The following DCDC1 variants were observed in gnomAD, a reference collection of about 807,000 sequenced individuals.
The protein encoded by DCDC1 is doublecortin domain-containing protein 1.
DCDC1 carries 200 observed loss-of-function variants against 178.3 expected under a neutral mutation model. The observed-to-expected ratio is 1.12, with a 90% confidence interval of 1.00 to 1.26. The LOEUF (loss-of-function observed/expected upper bound fraction) is 1.26. Among genes scored for constraint, DCDC1 ranks in the 50% most tolerant of loss-of-function variants. The probability of loss-of-function intolerance (pLI) is 0.00; values close to 1 mark genes in which losing one functional copy is unlikely to be tolerated. For missense variants in DCDC1, 1,983 were observed against 1,749.2 expected, an observed-to-expected ratio of 1.13 and a Z score of -2.38; for synonymous variants, 690 against 604.8, an observed-to-expected ratio of 1.14 and a Z score of -2.07.
chr11:31,025,959 G>A (rs889019040), intron 20 of DCDC1, among the ~76,000 whole-genome samples: 1 of 151,832 alleles, frequency 6.6e-6, no homozygotes, highest in Admixed American at 6.6e-5. Context: ...GAAGCCTTTA[G>A]AATTGAAGCT....
chr11:31,250,494 AC>A lies in DCDC1; in HGVS notation c.1055-8879del, dbSNP rs1320174579. On this transcript the variant is annotated intron_variant, in intron 8 of 38. Transcript: ENST00000684477. ...GCTACAGTTTATATCATTTTGAGTC[AC>A]CCCCAACCCCCCTAAAACACCCTAA... Among the ~76,000 whole-genome samples, 3 of 144,300 alleles carry A rather than the reference AC, an allele frequency of 2.1e-5. No homozygotes were observed. The Admixed American group carries it at 2.1e-4, about 10-fold the overall frequency. 94.7% of individuals were successfully genotyped at this position (144,300 alleles called of 152,430 possible). A position where few individuals can be genotyped will look rare whatever the true frequency, so the allele number is the denominator to read the frequency against.
chr11:31,171,925 T>A (rs1001214680), intron 9 of DCDC1, among the ~76,000 whole-genome samples: 7 of 152,202 alleles, frequency 4.6e-5, no homozygotes, highest in Non-Finnish European at 5.9e-5. Flanking sequence ...TCATTCTAGA[T>A]AGATATGGTT....
At chr11:31,223,047 C>T (rs1333192401) in intron 9 of DCDC1, among the ~76,000 whole-genome samples, 4 of 152,102 alleles carry the variant, frequency 2.6e-5, no homozygotes, top group South Asian at 4.2e-4. Flanking sequence ...AAATATTATA[C>T]ATGATTCTGA....
At chr11:31,009,751 C>T (rs1952062487) in intron 20 of DCDC1, among the ~76,000 whole-genome samples, 1 of 152,124 alleles carries the variant, frequency 6.6e-6, no homozygotes, top group African/African-American at 2.4e-5. Context: ...TCCGTTTTCA[C>T]ACTGATATAA....
chr11:30,998,482 T>C (rs1295289769), intron 20 of DCDC1, among the ~76,000 whole-genome samples: 1 of 152,018 alleles, frequency 6.6e-6, no homozygotes, highest in Admixed American at 6.6e-5. Flanking sequence ...ATATAAACAA[T>C]AAGTTTAATA....
At chr11:30,901,480 A>G (rs1337023772) in intron 32 of DCDC1, among the ~76,000 whole-genome samples, 1 of 152,156 alleles carries the variant, frequency 6.6e-6, no homozygotes, top group African/African-American at 2.4e-5. Flanking sequence ...GACTGCCTGC[A>G]TAGTAAGCAC....
chr11:30,865,306 A>G lies in DCDC1; in HGVS notation c.*67T>C, dbSNP rs1045960186. 6.6e-6 allele frequency: 1 copy of G among 152,198 alleles called. No individual in the cohort carries two copies. Among genetic ancestry groups the G allele is most frequent in the Non-Finnish European group, 1.5e-5 (1 of 68,044 alleles). The allele number at this position is 152,198 out of a possible 1,614,324, so 9.4% of individuals were successfully genotyped here. A position where few individuals can be genotyped will look rare whatever the true frequency, so the allele number is the denominator to read the frequency against. On this transcript the variant is annotated 3_prime_UTR_variant, in exon 39 of 39. Transcript: ENST00000684477. ...GCCTTCTTGTCACAGTCTTCTGTTT[A>G]TAAGTGGGTAAAGAAAGTTTTCTTT...
chr11:30,951,555 A>G (rs1017601796), intron 21 of DCDC1, among the ~76,000 whole-genome samples: 2 of 152,110 alleles, frequency 1.3e-5, no homozygotes, highest in South Asian at 4.1e-4. Flanking sequence ...ACTACACACA[A>G]TGTGATCTAA....
In DCDC1 at chr11:31,104,362, G is replaced by A. The variant is rs148755442; in HGVS notation, c.1752-593C>T. ...TTTATCTCTAGAATTAAAAATCAAC[G>A]ACATCACCTCTGCAGTCTTGTTGCC... On this transcript the variant is annotated intron_variant, in intron 13 of 38. Coordinates refer to ENST00000684477, the MANE Select transcript of DCDC1 (RefSeq NM_001387274.1). 1.4e-3 allele frequency among the ~76,000 whole-genome samples: 214 copies of A among 152,088 alleles called. 1 individual carries two copies. The highest frequency in any genetic ancestry group is 4.8e-3 in the African/African-American group (198 of 41,500).
In DCDC1 at chr11:31,290,645, AC is replaced by A. The variant is rs776132836; in HGVS notation, c.960+1del. On this transcript the variant is annotated splice_donor_variant, in intron 7 of 38. Coordinates refer to ENST00000684477, the MANE Select transcript of DCDC1 (RefSeq NM_001387274.1). LOFTEE classifies it high-confidence loss of function. ...ATAGTTCAATATTTAATTAAAAATTACCTTTTTCATTGTTTCTTTTCCCACT... is the reference window on the plus strand; with the variant it reads ...ATAGTTCAATATTTAATTAAAAATTACTTTTTCATTGTTTCTTTTCCCACT... 1.3e-6 allele frequency: 2 copies of A among 1,597,914 alleles called. No individual in the cohort carries two copies.
At chr11:31,189,460 A>G (rs1482184690) in intron 9 of DCDC1, among the ~76,000 whole-genome samples, 1 of 152,182 alleles carries the variant, frequency 6.6e-6, no homozygotes, top group Non-Finnish European at 1.5e-5. Context: ...AACATCCACT[A>G]TATTAGTCTT....
chr11:31,118,141 A>G (rs1662223994), intron 11 of DCDC1, among the ~76,000 whole-genome samples: 1 of 152,274 alleles, frequency 6.6e-6, no homozygotes, highest in South Asian at 2.1e-4. Context: ...AGGATTAAAT[A>G]TAAACTAAAT....
In DCDC1 at chr11:31,205,058, T is replaced by C. The variant is rs1403396916; in HGVS notation, c.1221+36392A>G. ...CACCTTCTTATCTATAAGAGTTTTC[T>C]CTTAATTCAGCAGACCTGTTAGTCA... On this transcript the variant is annotated intron_variant, in intron 9 of 38. Coordinates refer to ENST00000684477, the MANE Select transcript of DCDC1 (RefSeq NM_001387274.1). 3.3e-5 allele frequency among the ~76,000 whole-genome samples: 5 copies of C among 152,308 alleles called. No individual in the cohort carries two copies. In the East Asian group the frequency reaches 5.8e-4, roughly 18 times the overall value.
At chr11:30,874,714 G>A (rs978756781) in intron 38 of DCDC1, among the ~76,000 whole-genome samples, 3 of 152,140 alleles carry the variant, frequency 2.0e-5, no homozygotes, top group Non-Finnish European at 2.9e-5. Flanking sequence ...TGGCACCAGA[G>A]ATGACCACCG....
intron 10 of DCDC1, among the ~76,000 whole-genome samples, chr11:31,132,518 T>A (rs542771021): frequency 6.6e-6 from 1 of 152,184 alleles, no homozygotes; most frequent in South Asian, 2.1e-4. Context: ...TTTCTTCAAA[T>A]CCTTTTTTTT....
chr11:31,189,248 C>T (rs1969862526), intron 9 of DCDC1, among the ~76,000 whole-genome samples: 1 of 152,104 alleles, frequency 6.6e-6, no homozygotes. Flanking sequence ...TATGAGAATG[C>T]TATTACATCA....
At chr11:30,947,050 C>A (rs1479212927) in intron 21 of DCDC1, among the ~76,000 whole-genome samples, 2 of 152,148 alleles carry the variant, frequency 1.3e-5, no homozygotes, top group Non-Finnish European at 2.9e-5. Context: ...CAAACATTTT[C>A]ACTGTGTGAA....
Position 31,194,642 on chromosome 11 carries a change from G to A in DCDC1, c.1221+46808C>T, listed in dbSNP as rs375716133. On this transcript the variant is annotated intron_variant, in intron 9 of 38. Transcript: ENST00000684477. ...ATCATTTTAATGGCTCCACAATTTC[G>A]TCTAATGCATGAACCATAAGTTACT... Among the ~76,000 whole-genome samples the A allele has an allele frequency of 7.9e-5, 12 of 151,728 alleles. No homozygotes were observed. In the South Asian group the frequency reaches 8.3e-4, roughly 10 times the overall value.
At chr11:31,120,577 A>T (rs1478923123) in intron 11 of DCDC1, among the ~76,000 whole-genome samples, 1 of 152,152 alleles carries the variant, frequency 6.6e-6, no homozygotes, top group African/African-American at 2.4e-5. Context: ...CTGGCTCCCA[A>T]ATTTGACAAG....
Sources: gnomAD v4.1 joint callset for allele counts (sites outside exome capture counted in the v4.1 genomes callset) on GRCh38, gnomAD v4.1.1 for gene constraint, MANE v1.5 for transcripts, NCBI Gene and HGNC (gene_info 2026-07-23, HGNC 2026-07-21) for gene names.